The following SERBP1 variants were observed in gnomAD, a reference collection of about 807,000 sequenced individuals.
The protein encoded by SERBP1 is SERPINE1 mRNA-binding protein 1.
Under a neutral mutation model 50.2 loss-of-function variants are expected in SERBP1, and 6 were observed. That is an observed-to-expected ratio of 0.12 (90% CI 0.07 to 0.24). The LOEUF (loss-of-function observed/expected upper bound fraction) is 0.24. Ranked by LOEUF, SERBP1 falls within the 10% of genes least tolerant of loss-of-function variation. The probability of loss-of-function intolerance (pLI) is 1.00; values close to 1 mark genes in which losing one functional copy is unlikely to be tolerated. For missense variants in SERBP1, 346 were observed against 524.9 expected (o/e 0.66, Z 3.33); for synonymous variants, 168 against 182.8 (o/e 0.92, Z 0.65).
chr1:67,429,208 C>T (rs1276962385), intron 1 of SERBP1, among the ~76,000 whole-genome samples: 2 of 152,162 alleles, frequency 1.3e-5, no homozygotes, highest in Non-Finnish European at 2.9e-5. Context: ...GACCCCACCA[C>T]GTGAAAGATT....
chr1:67,413,820 T>G (rs990229130), intron 7 of SERBP1, among the ~76,000 whole-genome samples: 1 of 152,164 alleles, frequency 6.6e-6, no homozygotes, highest in Non-Finnish European at 1.5e-5. Flanking sequence ...TTTTCTCTTT[T>G]TTTTTGGAGA....
intron 5 of SERBP1, among the ~76,000 whole-genome samples, chr1:67,422,883 C>A (rs1315283725): frequency 6.6e-6 from 1 of 151,986 alleles, no homozygotes; most frequent in African/African-American, 2.4e-5. Flanking sequence ...ATCGTTTGAA[C>A]CCAGGGGGCG....
rs1432733666 is a variant in SERBP1, at chr1:67,410,995, A to G, written c.*2212T>C. 2 of 152,224 alleles carry G rather than the reference A, an allele frequency of 1.3e-5. No individual in the cohort carries two copies. Among genetic ancestry groups the G allele is most frequent in the African/African-American group, 2.4e-5 (1 of 41,468 alleles). The allele number at this position is 152,224 out of a possible 1,614,324, so 9.4% of individuals were successfully genotyped here. A position where few individuals can be genotyped will look rare whatever the true frequency, so the allele number is the denominator to read the frequency against. ...GGGGTGTGCACACAGGTCAGAAACC[A>G]GGAAACACATGACAATAAACATGAT... On this transcript the variant is annotated 3_prime_UTR_variant, in exon 8 of 8. Coordinates refer to ENST00000361219, the MANE Select transcript of SERBP1 (RefSeq NM_001018069.2).
At chr1:67,419,644 AAC>A (rs531824059) in intron 6 of SERBP1, 49 of 214,204 alleles carry the variant, frequency 2.3e-4, no homozygotes, top group African/African-American at 1.1e-3. Context: ...ATTTCAACCT[AAC>A]ACCATAATAC....
chr1:67,420,072 T>G lies in SERBP1; in HGVS notation c.888A>C (p.Pro296=). Residue 296 remains proline, a synonymous_variant, in exon 6 of 8, where the codon CCA becomes CCC. Coordinates refer to ENST00000361219, the MANE Select transcript of SERBP1 (RefSeq NM_001018069.2). ...TCCACTGCCCATCAGCACCTTCATTTGGTTTTCGGATATTAAATTCTACTT... is the reference window on the plus strand; with the variant it reads ...TCCACTGCCCATCAGCACCTTCATTGGGTTTTCGGATATTAAATTCTACTT... The part of the protein sequence containing the change: ...RAKVEFNIRK[P]NEGADGQWKK... The G allele has an allele frequency of 6.2e-7, 1 of 1,613,682 alleles. No homozygotes were observed. Among genetic ancestry groups the G allele is most frequent in the South Asian group, 1.1e-5 (1 of 91,066 alleles).
In SERBP1 at chr1:67,415,376, G is replaced by C. The variant is rs1273765404; in HGVS notation, c.952-37C>G. ...AGTGAAGATGATTGTGTTATTAGTA[G>C]AAAAGTAACATTGCAAAATTTCTAA... On this transcript the variant is annotated intron_variant, in intron 6 of 7. Transcript: ENST00000361219. 3 of 1,485,816 alleles carry C rather than the reference G, an allele frequency of 2.0e-6. No homozygotes were observed. In the Admixed American group the frequency reaches 7.4e-5, roughly 36 times the overall value. 92.0% of individuals were successfully genotyped at this position (1,485,816 alleles called of 1,614,324 possible). A position where few individuals can be genotyped will look rare whatever the true frequency, so the allele number is the denominator to read the frequency against.
chr1:67,408,761 G>A lies in SERBP1; in HGVS notation c.*4446C>T, dbSNP rs532297548. ...ATACTAATCATGGTATTTTTTAACA[G>A]ATTATACACCCCTTAACAGCTTTCA... On this transcript the variant is annotated 3_prime_UTR_variant, in exon 8 of 8. Transcript: ENST00000361219. The A allele has an allele frequency of 3.3e-5, 5 of 152,076 alleles. No individual in the cohort carries two copies. Among genetic ancestry groups the A allele is most frequent in the African/African-American group, 9.7e-5 (4 of 41,404 alleles). 9.4% of individuals were successfully genotyped at this position (152,076 alleles called of 1,614,324 possible). A position where few individuals can be genotyped will look rare whatever the true frequency, so the allele number is the denominator to read the frequency against.
At chr1:67,423,582 C>T (rs1047163916) in intron 5 of SERBP1, among the ~76,000 whole-genome samples, 6 of 148,878 alleles carry the variant, frequency 4.0e-5, no homozygotes, top group East Asian at 2.0e-4. Context: ...ACTCCAGCCT[C>T]GGCAACAGAA....
At position 67,409,405 on chromosome 1, in the gene SERBP1, A is replaced by ACACACACCCC. The variant is rs1461592641; in HGVS notation, c.*3801_*3802insGGGGTGTGTG. 1.9e-5 allele frequency: 2 copies of ACACACACCCC among 107,496 alleles called. No individual in the cohort carries two copies. The highest frequency in any genetic ancestry group is 7.2e-4 in the East Asian group (2 of 2,762). The allele number at this position is 107,496 out of a possible 1,614,324, so 6.7% of individuals were successfully genotyped here. A position where few individuals can be genotyped will look rare whatever the true frequency, so the allele number is the denominator to read the frequency against. On this transcript the variant is annotated 3_prime_UTR_variant, in exon 8 of 8. Coordinates refer to ENST00000361219, the MANE Select transcript of SERBP1 (RefSeq NM_001018069.2). ...GACACGGACACACACACACACACAC[A>ACACACACCCC]CACACACACACACACCCCCACACAC...
intron 2 of SERBP1, among the ~76,000 whole-genome samples, chr1:67,425,750 G>A (rs549121202): frequency 5.9e-5 from 9 of 152,284 alleles, no homozygotes; most frequent in African/African-American, 2.2e-4. Context: ...ATGTTTCTGT[G>A]AAAAATTAAT....
Position 67,415,160 on chromosome 1 carries a change from A to T in SERBP1, c.1125+6T>A. On this transcript the variant is annotated splice_donor_region_variant and intron_variant, in intron 7 of 7. Transcript: ENST00000361219. ...TATGTAAAAGGAAAAGAAAGTCTTA[A>T]ATTACCTTGTCGGTCCTGCTGCCAC... is the stretch of plus-strand genomic sequence containing the variant. 1 of 1,567,852 alleles carries T rather than the reference A, an allele frequency of 6.4e-7. No homozygotes were observed. Among genetic ancestry groups the T allele is most frequent in the Non-Finnish European group, 8.6e-7 (1 of 1,160,994 alleles).
chr1:67,415,848 T>C (rs985492346), intron 6 of SERBP1, among the ~76,000 whole-genome samples: 4 of 152,172 alleles, frequency 2.6e-5, no homozygotes, highest in African/African-American at 9.7e-5. Flanking sequence ...TTACTAGATA[T>C]AAACTTCTCA....
chr1:67,424,763 T>C, intron 4 of SERBP1, 125 bp downstream of exon 4: 6 of 737,216 alleles, frequency 8.1e-6, no homozygotes, highest in Non-Finnish European at 1.4e-5. Context: ...TAAGACATTA[T>C]CTTGTAATAT....
At chr1:67,423,730 A>G (rs533335302) in intron 5 of SERBP1, among the ~76,000 whole-genome samples, 2 of 152,364 alleles carry the variant, frequency 1.3e-5, no homozygotes, top group East Asian at 1.9e-4. Context: ...ACTTCAAGAT[A>G]GAACTAATGT....
intron 7 of SERBP1, among the ~76,000 whole-genome samples, chr1:67,414,242 A>T (rs897996852): frequency 6.6e-6 from 1 of 152,256 alleles, no homozygotes; most frequent in Non-Finnish European, 1.5e-5. Context: ...ATATCTAAGT[A>T]GCAATAATCA....
chr1:67,418,520 G>A lies in SERBP1; in HGVS notation c.951+1489C>T, dbSNP rs1471460887. Among the ~76,000 whole-genome samples the A allele has an allele frequency of 2.6e-5, 4 of 152,096 alleles. No homozygotes were observed. The East Asian group carries it at 5.8e-4, about 22-fold the overall frequency. On this transcript the variant is annotated intron_variant, in intron 6 of 7. Coordinates refer to ENST00000361219, the MANE Select transcript of SERBP1 (RefSeq NM_001018069.2). ...CGCCTATAATCCCAGCACTTTGGGA[G>A]GCTGAGGCAGGCGGGGATCACTGAG...
intron 1 of SERBP1, among the ~76,000 whole-genome samples, chr1:67,429,014 C>T (rs941541002): frequency 2.0e-5 from 3 of 151,880 alleles, no homozygotes; most frequent in Non-Finnish European, 4.4e-5. Flanking sequence ...ACTGGTAAAG[C>T]GAATGCAAAA....
rs1666766764 is a variant in SERBP1, at chr1:67,409,702, A to G, written c.*3505T>C. On this transcript the variant is annotated 3_prime_UTR_variant, in exon 8 of 8. Transcript: ENST00000361219. Reference sequence around the variant, plus strand: ...CCAAATTTGAACTTAAAAGTCAAGGAAGATGAAGAGGTAATCCCAGGGCAC... The same window carrying G: ...CCAAATTTGAACTTAAAAGTCAAGGGAGATGAAGAGGTAATCCCAGGGCAC... The G allele has an allele frequency of 6.6e-6, 1 of 152,212 alleles. No homozygotes were observed. Among genetic ancestry groups the G allele is most frequent in the South Asian group, 2.1e-4 (1 of 4,832 alleles). 9.4% of individuals were successfully genotyped at this position (152,212 alleles called of 1,614,324 possible). A position where few individuals can be genotyped will look rare whatever the true frequency, so the allele number is the denominator to read the frequency against.
In SERBP1 at chr1:67,408,100, A is replaced by C. The variant is rs779287976; in HGVS notation, c.*5107T>G. The C allele has an allele frequency of 6.6e-6, 1 of 152,218 alleles. No individual in the cohort carries two copies. The highest frequency in any genetic ancestry group is 1.5e-5 in the Non-Finnish European group (1 of 68,050). The allele number at this position is 152,218 out of a possible 1,614,324, so 9.4% of individuals were successfully genotyped here. A position where few individuals can be genotyped will look rare whatever the true frequency, so the allele number is the denominator to read the frequency against. On this transcript the variant is annotated 3_prime_UTR_variant, in exon 8 of 8. Coordinates refer to ENST00000361219, the MANE Select transcript of SERBP1 (RefSeq NM_001018069.2). The stretch of plus-strand genomic sequence containing the variant: ...CACTTTCCCTACTCAGTAATACATA[A>C]AAATCCTTAATATTAGCCCTTCACT...
Sources: allele counts gnomAD v4.1 joint callset (sites outside exome capture counted in the v4.1 genomes callset), GRCh38; gene constraint gnomAD v4.1.1; transcripts MANE v1.5; gene names NCBI Gene and HGNC (gene_info 2026-07-23, HGNC 2026-07-21).